XKR9: variants seen among roughly 807,000 people sequenced by gnomAD.
XKR9 encodes the protein XK related 9.
XKR9 carries 32 observed loss-of-function variants against 32.0 expected under a neutral mutation model. The observed-to-expected ratio is 1.00, with a 90% confidence interval of 0.76 to 1.34. The LOEUF (loss-of-function observed/expected upper bound fraction) is 1.34. Among genes scored for constraint, XKR9 ranks in the 40% most tolerant of loss-of-function variants. The probability of loss-of-function intolerance (pLI) is 0.00; values close to 1 mark genes in which losing one functional copy is unlikely to be tolerated. For synonymous variants in XKR9, 168 were observed against 143.4 expected (o/e 1.17, Z -1.22); for missense variants, 546 against 429.7 (o/e 1.27, Z -2.39).
At chr8:70,969,391 A>T in the XKR9 span, among the ~76,000 whole-genome samples, 1 of 152,208 alleles carries the variant, frequency 6.6e-6, no homozygotes, top group Non-Finnish European at 1.5e-5. Flanking sequence ...TTCTTTTTTC[A>T]GGATAAACTC....
At chr8:70,671,824 C>T (rs1291200185) in intron 1 of XKR9, among the ~76,000 whole-genome samples, 4 of 111,652 alleles carry the variant, frequency 3.6e-5, no homozygotes, top group East Asian at 2.0e-4. Context: ...AAAACCCCAT[C>T]GTCTCAGCCC....
At position 70,734,412 on chromosome 8, in the gene XKR9, C is replaced by A; in HGVS notation, c.1110C>A (p.Phe370Leu). The change falls in exon 5 of 5, where the codon TTC (phenylalanine) becomes TTA (leucine). Residue 370 changes from phenylalanine (F) to leucine (L), a missense_variant. Coordinates refer to ENST00000408926, the MANE Select transcript of XKR9 (RefSeq NM_001011720.2). Reference protein sequence around the residue: ...PVLRECRMRYFLME With the variant: ...PVLRECRMRYLLME ...TAAGAGAATGTAGAATGAGATATTT[C>A]CTAATGGAATAAGCTATTCATTTAT... The A allele has an allele frequency of 6.3e-7, 1 of 1,579,328 alleles. No individual in the cohort carries two copies. Among genetic ancestry groups the A allele is most frequent in the South Asian group, 1.2e-5 (1 of 85,182 alleles).
the XKR9 span, among the ~76,000 whole-genome samples, chr8:70,922,047 A>G: frequency 1.3e-5 from 2 of 152,204 alleles, no homozygotes; most frequent in Non-Finnish European, 2.9e-5. Flanking sequence ...TAGTGGGTAT[A>G]GAGAAACTAT....
At chr8:70,813,681 C>G in the XKR9 span, among the ~76,000 whole-genome samples, 1 of 152,192 alleles carries the variant, frequency 6.6e-6, no homozygotes, top group Admixed American at 6.5e-5. Context: ...ACCCAAAAAA[C>G]ACATGAAAAA....
intron 2 of XKR9, among the ~76,000 whole-genome samples, chr8:70,785,200 CT>C (rs1328922603): frequency 6.6e-6 from 1 of 151,810 alleles, no homozygotes; most frequent in African/African-American, 2.4e-5. Context: ...TTATTGGTCT[CT>C]TCAGATTTTC....
the XKR9 span, among the ~76,000 whole-genome samples, chr8:70,907,588 G>A: frequency 6.6e-6 from 1 of 152,080 alleles, no homozygotes; most frequent in Non-Finnish European, 1.5e-5. Context: ...GGGGGAGAGG[G>A]GTTTATACTT....
At chr8:70,978,078 ATTTGCTTGGTAGAT>A in the XKR9 span, among the ~76,000 whole-genome samples, 1 of 151,734 alleles carries the variant, frequency 6.6e-6, no homozygotes, top group African/African-American at 2.4e-5. Context: ...TTTGCTTTCC[ATTTGCTTGGTAGAT>A]CTTCCTCCAT....
At position 70,701,784 on chromosome 8, in the gene XKR9, C is replaced by A. The variant is rs552378938; in HGVS notation, c.273-5149C>A. Among the ~76,000 whole-genome samples the A allele has an allele frequency of 2.6e-5, 4 of 152,202 alleles. No homozygotes were observed. The South Asian group carries it at 8.3e-4, about 32-fold the overall frequency. On this transcript the variant is annotated intron_variant, in intron 3 of 4. Coordinates refer to ENST00000408926, the MANE Select transcript of XKR9 (RefSeq NM_001011720.2). ...ATTTATTAGGTATGTGTGCCTCTTG[C>A]TACTATGTATGCCATTACTGTTCAG... is the stretch of plus-strand genomic sequence containing the variant.
the XKR9 span, among the ~76,000 whole-genome samples, chr8:71,021,793 G>A: frequency 1.3e-5 from 2 of 152,142 alleles, no homozygotes; most frequent in Non-Finnish European, 2.9e-5. Context: ...GAGCCACCGC[G>A]CCCGGCCTGT....
At chr8:70,954,737 A>G in the XKR9 span, among the ~76,000 whole-genome samples, 1 of 152,188 alleles carries the variant, frequency 6.6e-6, no homozygotes, top group Non-Finnish European at 1.5e-5. Flanking sequence ...CACATGCCAA[A>G]TCCATGCTTT....
intron 2 of XKR9, among the ~76,000 whole-genome samples, chr8:70,753,060 C>A (rs1417382425): frequency 1.3e-5 from 2 of 152,026 alleles, no homozygotes; most frequent in East Asian, 1.9e-4. Context: ...CAAATAGACG[C>A]AATAAAAAAT....
the XKR9 span, among the ~76,000 whole-genome samples, chr8:70,860,679 C>G: frequency 6.8e-6 from 1 of 147,910 alleles, no homozygotes; most frequent in African/African-American, 2.5e-5. Flanking sequence ...ACCCCTATAA[C>G]TCTGCTCTAT....
intron 3 of XKR9, chr8:70,683,474 T>C (rs192290200): frequency 1.1e-5 from 5 of 440,646 alleles, no homozygotes; most frequent in Non-Finnish European, 2.3e-5. Context: ...TCTCAGGACT[T>C]CTACCTAGAA....
the XKR9 span, among the ~76,000 whole-genome samples, chr8:70,890,581 T>C: frequency 6.6e-6 from 1 of 152,024 alleles, no homozygotes; most frequent in Non-Finnish European, 1.5e-5. Flanking sequence ...TTGTCCTTCA[T>C]TTTGTTGATA....
chr8:70,710,690 C>T (rs999658210), intron 4 of XKR9, among the ~76,000 whole-genome samples: 3 of 148,792 alleles, frequency 2.0e-5, no homozygotes, highest in African/African-American at 7.4e-5. Flanking sequence ...GGTGACAGAG[C>T]GAGACTCCAT....
the XKR9 span, among the ~76,000 whole-genome samples, chr8:71,040,104 G>A: frequency 6.6e-6 from 1 of 152,270 alleles, no homozygotes; most frequent in South Asian, 2.1e-4. Flanking sequence ...GCATTTCTCC[G>A]TTTAAGCCCT....
At chr8:70,904,190 T>C in the XKR9 span, among the ~76,000 whole-genome samples, 4 of 152,090 alleles carry the variant, frequency 2.6e-5, no homozygotes, top group African/African-American at 9.7e-5. Context: ...CTTTCTGTCT[T>C]GTTGATCTGT....
intron 2 of XKR9, among the ~76,000 whole-genome samples, chr8:70,675,935 A>G (rs963018654): frequency 6.6e-6 from 1 of 152,172 alleles, no homozygotes; most frequent in South Asian, 2.1e-4. Context: ...GTTTTCAGGT[A>G]TCTTTATAGC....
At chr8:71,000,201 C>A in the XKR9 span, among the ~76,000 whole-genome samples, 1 of 152,126 alleles carries the variant, frequency 6.6e-6, no homozygotes, top group African/African-American at 2.4e-5. Context: ...GCTCTAGAGA[C>A]AAAATGATTT....
Sources: gnomAD v4.1 joint callset for allele counts (sites outside exome capture counted in the v4.1 genomes callset) on GRCh38, gnomAD v4.1.1 for gene constraint, MANE v1.5 for transcripts, NCBI Gene and HGNC (gene_info 2026-07-23, HGNC 2026-07-21) for gene names.